Variants in RPS6KC1 observed in about 807,000 individuals in gnomAD.
RPS6KC1 encodes ribosomal protein S6 kinase C1.
Under a neutral mutation model 103.8 loss-of-function variants are expected in RPS6KC1, and 54 were observed. That is an observed-to-expected ratio of 0.52 (90% CI 0.42 to 0.65). RPS6KC1 has a LOEUF of 0.65. Among genes scored for constraint, RPS6KC1 ranks in the 30% least tolerant of loss-of-function variants. The pLI is 0.00. For missense variants in RPS6KC1, 1,151 were observed against 1,253.8 expected (o/e 0.92, Z 1.24); for synonymous variants, 439 against 438.7 (o/e 1.00, Z -0.01).
the RPS6KC1 span, among the ~76,000 whole-genome samples, chr1:213,628,469 C>CT: frequency 4.0e-5 from 6 of 151,594 alleles, no homozygotes; most frequent in South Asian, 4.2e-4. Flanking sequence ...TAGCTTTTGT[C>CT]TTTTTTTTCT....
intron 4 of RPS6KC1, among the ~76,000 whole-genome samples, chr1:213,109,480 G>A (rs542767918): frequency 1.3e-5 from 2 of 152,170 alleles, no homozygotes; most frequent in African/African-American, 4.8e-5. Flanking sequence ...TAATTTTCAG[G>A]GTATAAGTCT....
At chr1:213,102,186 A>G (rs1166687078) in intron 3 of RPS6KC1, among the ~76,000 whole-genome samples, 2 of 152,208 alleles carry the variant, frequency 1.3e-5, no homozygotes, top group African/African-American at 4.8e-5. Context: ...CCTCATGGCA[A>G]AAGATTTGGA....
At chr1:213,738,926 G>A in the RPS6KC1 span, among the ~76,000 whole-genome samples, 7 of 150,198 alleles carry the variant, frequency 4.7e-5, no homozygotes, top group Non-Finnish European at 1.0e-4. Flanking sequence ...GTCTAAGGAA[G>A]GTTTTTTTTT....
At chr1:213,574,157 G>A in the RPS6KC1 span, among the ~76,000 whole-genome samples, 5 of 152,218 alleles carry the variant, frequency 3.3e-5, no homozygotes, top group African/African-American at 9.6e-5. Flanking sequence ...GGACAGATAA[G>A]TTGTTCTGGG....
At chr1:213,844,156 G>A in the RPS6KC1 span, among the ~76,000 whole-genome samples, 2 of 152,104 alleles carry the variant, frequency 1.3e-5, no homozygotes, top group African/African-American at 4.8e-5. Context: ...TAAACATCAA[G>A]ACAAGTCTCA....
At chr1:213,278,930 G>A (rs183799305), downstream of RPS6KC1, among the ~76,000 whole-genome samples, 47 of 151,890 alleles carry the variant, frequency 3.1e-4, no homozygotes, top group Non-Finnish European at 4.9e-4. Context: ...GAAAGTTCTC[G>A]GGGGGACAAA....
intron 2 of RPS6KC1, among the ~76,000 whole-genome samples, chr1:213,076,880 T>G (rs979905581): frequency 1.3e-5 from 2 of 152,112 alleles, no homozygotes; most frequent in South Asian, 4.2e-4. Flanking sequence ...TCCTTTTTTT[T>G]TTTTTTGAGA....
chr1:213,567,941 T>C, the RPS6KC1 span, among the ~76,000 whole-genome samples: 1 of 152,214 alleles, frequency 6.6e-6, no homozygotes, highest in Non-Finnish European at 1.5e-5. Flanking sequence ...TCTGGGTATG[T>C]CTTTGAGGAG....
At chr1:213,840,240 T>G in the RPS6KC1 span, 1 of 152,150 alleles carries the variant, frequency 6.6e-6, no homozygotes, top group Admixed American at 6.5e-5. Flanking sequence ...ACCTCCCAAT[T>G]TAATACAAGG....
chr1:213,664,721 C>T, the RPS6KC1 span, among the ~76,000 whole-genome samples: 2 of 152,176 alleles, frequency 1.3e-5, no homozygotes, highest in Non-Finnish European at 2.9e-5. Flanking sequence ...GCATGGCCTC[C>T]TTGGTCCACG....
chr1:213,397,924 G>A, the RPS6KC1 span, among the ~76,000 whole-genome samples: 8 of 152,184 alleles, frequency 5.3e-5, no homozygotes, highest in Non-Finnish European at 8.8e-5. Context: ...TGCTCAGGCC[G>A]TGGAGACAGA....
chr1:213,362,756 G>T, the RPS6KC1 span, among the ~76,000 whole-genome samples: 1 of 152,206 alleles, frequency 6.6e-6, no homozygotes, highest in Non-Finnish European at 1.5e-5. Flanking sequence ...AGATTAAAAA[G>T]GAGGGATTTT....
At chr1:213,252,296 A>G (rs1464310433) in intron 12 of RPS6KC1, among the ~76,000 whole-genome samples, 1 of 152,198 alleles carries the variant, frequency 6.6e-6, no homozygotes, top group East Asian at 1.9e-4. Context: ...GCCCTAGCTG[A>G]CATGGAATGC....
chr1:213,840,236 C>T, the RPS6KC1 span: 1 of 152,114 alleles, frequency 6.6e-6, no homozygotes, highest in East Asian at 1.9e-4. Context: ...AAGTACCTCC[C>T]AATTTAATAC....
chr1:213,538,754 A>G, the RPS6KC1 span, among the ~76,000 whole-genome samples: 1 of 152,152 alleles, frequency 6.6e-6, no homozygotes, highest in Non-Finnish European at 1.5e-5. Flanking sequence ...CCTCTGAAGA[A>G]CATGCATTTT....
At chr1:213,309,014 G>A in the RPS6KC1 span, among the ~76,000 whole-genome samples, 25 of 152,208 alleles carry the variant, frequency 1.6e-4, no homozygotes, top group Non-Finnish European at 2.9e-4. Context: ...AGAAGAGGCC[G>A]GGCACGGTGG....
chr1:213,158,570 A>T (rs2090150704), intron 6 of RPS6KC1, among the ~76,000 whole-genome samples: 1 of 152,234 alleles, frequency 6.6e-6, no homozygotes. Flanking sequence ...AATTAATTTT[A>T]GTTTATTGTA....
the RPS6KC1 span, among the ~76,000 whole-genome samples, chr1:213,808,485 T>C: frequency 0.28 from 42,718 of 152,166 alleles, 9,893 homozygotes; most frequent in African/African-American, 0.62. Flanking sequence ...TGGGCAATGG[T>C]GGGTGCCCCT....
the RPS6KC1 span, among the ~76,000 whole-genome samples, chr1:213,833,991 T>G: frequency 6.6e-6 from 1 of 152,188 alleles, no homozygotes; most frequent in African/African-American, 2.4e-5. Flanking sequence ...TCACCCAAAA[T>G]GAGGTTAAAT....
Sources: allele counts gnomAD v4.1 joint callset (sites outside exome capture counted in the v4.1 genomes callset), GRCh38; gene constraint gnomAD v4.1.1; transcripts MANE v1.5; gene names NCBI Gene and HGNC (gene_info 2026-07-23, HGNC 2026-07-21).